EYA2: variants seen among roughly 807,000 people sequenced by gnomAD.
The protein encoded by EYA2 is EYA transcriptional coactivator and phosphatase 2.
In EYA2, 31 loss-of-function variants were observed where a neutral mutation model predicts 69.2. The ratio of observed to expected loss-of-function variants is 0.45; its 90% CI spans 0.34 to 0.60. The LOEUF (loss-of-function observed/expected upper bound fraction) is 0.60. Ranked by LOEUF, EYA2 falls within the 20% of genes least tolerant of loss-of-function variation. The pLI is 0.02. For synonymous variants in EYA2, 257 were observed against 279.4 expected (o/e 0.92, Z 0.80); for missense variants, 622 against 701.2 (o/e 0.89, Z 1.28).
chr20:47,170,849 T>C (rs2034303660), intron 11 of EYA2, among the ~76,000 whole-genome samples: 1 of 152,244 alleles, frequency 6.6e-6, no homozygotes, highest in South Asian at 2.1e-4. Context: ...ATTGTAACTT[T>C]ATTTAGTAGC....
chr20:47,182,161 G>A (rs574510885), intron 14 of EYA2, among the ~76,000 whole-genome samples: 23 of 152,006 alleles, frequency 1.5e-4, no homozygotes, highest in East Asian at 5.9e-4. Context: ...GACTACAGGC[G>A]TGCACCACTA....
intron 1 of EYA2, among the ~76,000 whole-genome samples, chr20:46,917,401 A>G (rs533491093): frequency 9.8e-5 from 15 of 152,358 alleles, no homozygotes; most frequent in African/African-American, 3.6e-4. Flanking sequence ...GGCAACTAGG[A>G]TATGGCAAAA....
chr20:47,057,512 C>G (rs1208460303), intron 5 of EYA2, among the ~76,000 whole-genome samples: 2 of 124,508 alleles, frequency 1.6e-5, no homozygotes, highest in Non-Finnish European at 1.6e-5. Context: ...TTTATATCAC[C>G]CCCCCCCCCC....
chr20:47,119,907 A>G (rs2033000422), intron 9 of EYA2, among the ~76,000 whole-genome samples: 1 of 152,048 alleles, frequency 6.6e-6, no homozygotes, highest in Admixed American at 6.6e-5. Flanking sequence ...TCGCTACAGA[A>G]AGAAAAATAA....
chr20:47,173,509 T>TAAAAAAG (rs2034367789), intron 12 of EYA2, among the ~76,000 whole-genome samples: 1 of 83,650 alleles, frequency 1.2e-5, no homozygotes, highest in African/African-American at 4.5e-5. Context: ...TGAGACCCCG[T>TAAAAAAG]AAAAAAAAAA....
At chr20:47,135,781 A>G (rs1300046384) in intron 9 of EYA2, among the ~76,000 whole-genome samples, 2 of 145,362 alleles carry the variant, frequency 1.4e-5, no homozygotes, top group East Asian at 2.1e-4. Flanking sequence ...CAAGAATTCA[A>G]TACCAGCCTG....
chr20:46,931,609 T>G (rs145462260), intron 1 of EYA2, among the ~76,000 whole-genome samples: 1 of 152,314 alleles, frequency 6.6e-6, no homozygotes, highest in East Asian at 1.9e-4. Context: ...TCAACAAATG[T>G]GAGCTGTCAT....
At chr20:46,986,804 G>A (rs1981253981) in intron 1 of EYA2, among the ~76,000 whole-genome samples, 1 of 152,042 alleles carries the variant, frequency 6.6e-6, no homozygotes, top group Non-Finnish European at 1.5e-5. Flanking sequence ...TCATACCATG[G>A]AGAGGACACC....
chr20:46,918,425 C>T (rs1985025308), intron 1 of EYA2, among the ~76,000 whole-genome samples: 1 of 152,100 alleles, frequency 6.6e-6, no homozygotes, highest in Non-Finnish European at 1.5e-5. Context: ...TCTCATGCCT[C>T]AGCCTCCCGA....
intron 9 of EYA2, among the ~76,000 whole-genome samples, chr20:47,140,722 G>A (rs1361768000): frequency 1.3e-5 from 2 of 152,132 alleles, no homozygotes; most frequent in Non-Finnish European, 2.9e-5. Flanking sequence ...TATAAAATGG[G>A]TGTTTTAGTC....
At chr20:47,120,171 G>A (rs1224663225) in intron 9 of EYA2, among the ~76,000 whole-genome samples, 1 of 152,110 alleles carries the variant, frequency 6.6e-6, no homozygotes, top group Non-Finnish European at 1.5e-5. Flanking sequence ...TTGTGCCATT[G>A]CACTCCAGCC....
chr20:47,025,130 C>T (rs1984002732), intron 5 of EYA2, among the ~76,000 whole-genome samples: 2 of 152,226 alleles, frequency 1.3e-5, no homozygotes, highest in South Asian at 2.1e-4. Context: ...AAGATACTTT[C>T]ACTTCCTTTT....
At chr20:47,115,617 A>C (rs1600719595) in intron 9 of EYA2, among the ~76,000 whole-genome samples, 1 of 148,738 alleles carries the variant, frequency 6.7e-6, no homozygotes, top group East Asian at 2.0e-4. Flanking sequence ...CTCCCCCACC[A>C]CCTCCTTCAT....
intron 6 of EYA2, 98 bp from the exon 7 acceptor site, chr20:47,074,060 T>G: frequency 8.4e-7 from 1 of 1,188,110 alleles, no homozygotes; most frequent in East Asian, 2.7e-5. Context: ...ACAGAGAGCT[T>G]TTATTCTAAT....
chr20:47,109,548 T>A (rs1280018968), intron 9 of EYA2, among the ~76,000 whole-genome samples: 1 of 152,152 alleles, frequency 6.6e-6, no homozygotes, highest in Non-Finnish European at 1.5e-5. Context: ...TGTGCTATGG[T>A]TTCACTTATT....
At chr20:47,039,320 A>G (rs897890273) in intron 5 of EYA2, among the ~76,000 whole-genome samples, 1 of 152,254 alleles carries the variant, frequency 6.6e-6, no homozygotes, top group African/African-American at 2.4e-5. Context: ...ATGGCACATG[A>G]AAATGATATG....
chr20:46,947,764 T>G (rs574049626), intron 1 of EYA2, among the ~76,000 whole-genome samples: 1 of 152,272 alleles, frequency 6.6e-6, no homozygotes, highest in East Asian at 1.9e-4. Context: ...AGTGAAGAAG[T>G]GCAGCCCTAC....
intron 9 of EYA2, among the ~76,000 whole-genome samples, chr20:47,119,587 T>C (rs1377037781): frequency 6.6e-6 from 1 of 152,228 alleles, no homozygotes. Flanking sequence ...TGACTGTTTA[T>C]ATGAAATACC....
chr20:47,045,182 A>G (rs1025638930), intron 5 of EYA2, among the ~76,000 whole-genome samples: 2 of 152,224 alleles, frequency 1.3e-5, no homozygotes, highest in South Asian at 2.1e-4. Context: ...GGGGCCACAC[A>G]TAACAGCTGC....
Sources: allele counts gnomAD v4.1 joint callset (sites outside exome capture counted in the v4.1 genomes callset), GRCh38; gene constraint gnomAD v4.1.1; transcripts MANE v1.5; gene names NCBI Gene and HGNC (gene_info 2026-07-23, HGNC 2026-07-21).